CREBRF: variants seen among roughly 807,000 people sequenced by gnomAD.
The protein encoded by CREBRF is CREB3 regulatory factor.
CREBRF carries 5 observed loss-of-function variants against 66.1 expected under a neutral mutation model. The ratio of observed to expected loss-of-function variants is 0.08; its 90% CI spans 0.04 to 0.16. The LOEUF (loss-of-function observed/expected upper bound fraction) is 0.16, where lower values mean the gene tolerates loss of function less well. CREBRF is among the 10% of genes least tolerant of loss of function. The probability of loss-of-function intolerance (pLI) is 1.00; values close to 1 mark genes in which losing one functional copy is unlikely to be tolerated. For synonymous variants in CREBRF, 229 were observed against 264.4 expected, an observed-to-expected ratio of 0.87 and a Z score of 1.30; for missense variants, 531 against 744.9, an observed-to-expected ratio of 0.71 and a Z score of 3.34.
At chr5:173,067,857 G>A (rs1035328685) in intron 1 of CREBRF, among the ~76,000 whole-genome samples, 11 of 152,140 alleles carry the variant, frequency 7.2e-5, no homozygotes, top group Non-Finnish European at 1.0e-4. Context: ...AAAATAAGCC[G>A]GGTGTGGTGG....
At chr5:173,106,047 C>T (rs866576135) in intron 4 of CREBRF, among the ~76,000 whole-genome samples, 3 of 152,256 alleles carry the variant, frequency 2.0e-5, no homozygotes, top group Middle Eastern at 3.4e-3. Flanking sequence ...AATAAATAGG[C>T]CAAAGCCATT....
At chr5:173,117,202 A>T (rs1001139434) in intron 7 of CREBRF, among the ~76,000 whole-genome samples, 2 of 151,970 alleles carry the variant, frequency 1.3e-5, no homozygotes, top group African/African-American at 4.8e-5. Context: ...AACATAGTGA[A>T]ATCCCATTTC....
chr5:173,115,900 G>A (rs1199624551), intron 7 of CREBRF, among the ~76,000 whole-genome samples: 1 of 152,052 alleles, frequency 6.6e-6, no homozygotes, highest in African/African-American at 2.4e-5. Context: ...ATGAGCCACC[G>A]CGCCCGGCCC....
chr5:173,064,778 G>C (rs1171087185), intron 1 of CREBRF, among the ~76,000 whole-genome samples: 3 of 152,048 alleles, frequency 2.0e-5, no homozygotes, highest in Non-Finnish European at 4.4e-5. Flanking sequence ...TGGTCAGGCT[G>C]GTCTTGAACT....
chr5:173,076,476 A>G (rs1757767605), intron 1 of CREBRF, among the ~76,000 whole-genome samples: 2 of 152,132 alleles, frequency 1.3e-5, no homozygotes, highest in African/African-American at 4.8e-5. Context: ...ATGGCCAGGC[A>G]TCAGTGTCTC....
At chr5:173,132,797 C>T (rs1230825738) in intron 8 of CREBRF, among the ~76,000 whole-genome samples, 1 of 150,268 alleles carries the variant, frequency 6.7e-6, no homozygotes, top group Non-Finnish European at 1.5e-5. Context: ...CAGGGTTTCT[C>T]CATGTTGGTC....
At chr5:173,071,269 C>T (rs1757592423) in intron 1 of CREBRF, among the ~76,000 whole-genome samples, 1 of 152,054 alleles carries the variant, frequency 6.6e-6, no homozygotes, top group African/African-American at 2.4e-5. Context: ...TGGAGTGCAG[C>T]GCCATGATCT....
chr5:173,099,655 G>C (rs748406525), intron 4 of CREBRF, among the ~76,000 whole-genome samples: 2 of 151,840 alleles, frequency 1.3e-5, no homozygotes, highest in Non-Finnish European at 2.9e-5. Flanking sequence ...TCTGTGATTT[G>C]CTGGTTTTTT....
chr5:173,089,132 G>A (rs1384830375), intron 3 of CREBRF, among the ~76,000 whole-genome samples: 3 of 146,186 alleles, frequency 2.1e-5, no homozygotes, highest in Admixed American at 6.9e-5. Context: ...AGCCAAGATC[G>A]CGCCACTGCA....
intron 4 of CREBRF, among the ~76,000 whole-genome samples, chr5:173,095,733 G>A (rs1758462211): frequency 6.6e-6 from 1 of 150,464 alleles, no homozygotes; most frequent in African/African-American, 2.5e-5. Flanking sequence ...ATTTATTTGT[G>A]TCTTCAGTTT....
intron 1 of CREBRF, among the ~76,000 whole-genome samples, chr5:173,058,511 TC>T (rs1205559238): frequency 6.6e-6 from 1 of 151,354 alleles, no homozygotes; most frequent in Non-Finnish European, 1.5e-5. Flanking sequence ...TGAGACGGAG[TC>T]TCGCTCTGTC....
At chr5:173,077,437 A>G (rs1040903329) in intron 1 of CREBRF, among the ~76,000 whole-genome samples, 2 of 151,674 alleles carry the variant, frequency 1.3e-5, no homozygotes, top group African/African-American at 2.4e-5. Context: ...TCTGTTGCCC[A>G]GGCTTACTGC....
chr5:173,069,062 A>G (rs1197532333), intron 1 of CREBRF, among the ~76,000 whole-genome samples: 1 of 151,842 alleles, frequency 6.6e-6, no homozygotes, highest in African/African-American at 2.4e-5. Flanking sequence ...ACAGAGGGAG[A>G]CTCCGTCTCA....
In CREBRF at chr5:173,062,854, T is replaced by C. The variant is rs1024279475; in HGVS notation, c.-192+6375T>C. On this transcript the variant is annotated intron_variant, in intron 1 of 8. Transcript: ENST00000296953. The stretch of plus-strand genomic sequence containing the variant: ...GCTCTGCCTCCCGGGTTCACGCCAT[T>C]CTCCTGCCTCAGCCTCCCAAGTAGC... 8.6e-5 allele frequency among the ~76,000 whole-genome samples: 13 copies of C among 150,904 alleles called. No homozygotes were observed. In the South Asian group the frequency reaches 2.7e-3, roughly 32 times the overall value.
intron 8 of CREBRF, among the ~76,000 whole-genome samples, chr5:173,132,692 C>T (rs868280062): frequency 1.6e-4 from 23 of 145,386 alleles, no homozygotes; most frequent in African/African-American, 5.4e-4. Flanking sequence ...CTCCACCCCC[C>T]GGGTTCAAGC....
At position 173,137,926 on chromosome 5, in the gene CREBRF, CTAGT is replaced by C. The variant is rs1389202020; in HGVS notation, c.*4184_*4187del. 2.0e-5 allele frequency: 3 copies of C among 152,082 alleles called. No homozygotes were observed. In the South Asian group the frequency reaches 6.2e-4, roughly 31 times the overall value. The allele number at this position is 152,082 out of a possible 1,614,324, so 9.4% of individuals were successfully genotyped here. A position where few individuals can be genotyped will look rare whatever the true frequency, so the allele number is the denominator to read the frequency against. ...TCCTAAAATTCTGTTCAAGTATTTT[CTAGT>C]TAATTATGTAACAGAATGTTAGCAT... On this transcript the variant is annotated 3_prime_UTR_variant, in exon 9 of 9. Transcript: ENST00000296953.
At chr5:173,074,417 A>G (rs1359920666) in intron 1 of CREBRF, among the ~76,000 whole-genome samples, 2 of 152,202 alleles carry the variant, frequency 1.3e-5, no homozygotes, top group Admixed American at 1.3e-4. Flanking sequence ...TTGGAAAGGA[A>G]TTGAACAAAA....
chr5:173,085,524 C>T (rs1468616789), intron 2 of CREBRF: 4 of 549,264 alleles, frequency 7.3e-6, no homozygotes, highest in Non-Finnish European at 1.3e-5. Flanking sequence ...TCAAGCGATT[C>T]TCCTACCTCA....
At chr5:173,098,945 T>C (rs1402289525) in intron 4 of CREBRF, among the ~76,000 whole-genome samples, 2 of 151,490 alleles carry the variant, frequency 1.3e-5, no homozygotes, top group Non-Finnish European at 1.5e-5. Context: ...ACCAGTACTA[T>C]CACAGCTCAC....
Sources: allele counts gnomAD v4.1 joint callset (sites outside exome capture counted in the v4.1 genomes callset), GRCh38; gene constraint gnomAD v4.1.1; transcripts MANE v1.5; gene names NCBI Gene and HGNC (gene_info 2026-07-23, HGNC 2026-07-21).